COL27A1: variants seen among roughly 807,000 people sequenced by gnomAD.
The protein encoded by COL27A1 is collagen type XXVII alpha 1 chain.
Under a neutral mutation model 251.3 loss-of-function variants are expected in COL27A1, and 106 were observed. The observed-to-expected ratio is 0.42, with a 90% CI of 0.36 to 0.50. The LOEUF (loss-of-function observed/expected upper bound fraction) is 0.50, where lower values mean the gene tolerates loss of function less well. Among genes scored for constraint, COL27A1 ranks in the 20% least tolerant of loss-of-function variants. The probability of loss-of-function intolerance (pLI) is 0.00; values close to 1 mark genes in which losing one functional copy is unlikely to be tolerated. For synonymous variants in COL27A1, 1,000 were observed against 986.3 expected, an observed-to-expected ratio of 1.01 and a Z score of -0.26; for missense variants, 2,325 against 2,522.8, an observed-to-expected ratio of 0.92 and a Z score of 1.68.
At chr9:114,210,328 C>T (rs1830260829) in intron 11 of COL27A1, among the ~76,000 whole-genome samples, 1 of 152,212 alleles carries the variant, frequency 6.6e-6, no homozygotes, top group Non-Finnish European at 1.5e-5. Flanking sequence ...ACTATCTGCC[C>T]CTTTCCAGAA....
chr9:114,180,892 A>G (rs892158226), intron 4 of COL27A1, among the ~76,000 whole-genome samples: 4 of 152,176 alleles, frequency 2.6e-5, no homozygotes, highest in African/African-American at 7.2e-5. Context: ...GGGGGAGCTG[A>G]GTGCTCTGGC....
intron 37 of COL27A1, among the ~76,000 whole-genome samples, chr9:114,277,837 C>G (rs1835604546): frequency 1.3e-5 from 2 of 152,198 alleles, no homozygotes; most frequent in Non-Finnish European, 2.9e-5. Context: ...GCTAAGATTA[C>G]TTTGAGCTCC....
intron 37 of COL27A1, among the ~76,000 whole-genome samples, chr9:114,280,410 C>T (rs996402896): frequency 6.6e-6 from 1 of 152,162 alleles, no homozygotes; most frequent in African/African-American, 2.4e-5. Flanking sequence ...GCCATGTTGG[C>T]CAGGCTGGTC....
chr9:114,205,952 G>T (rs1829922968), intron 9 of COL27A1, 140 bp downstream of exon 9: 1 of 758,744 alleles, frequency 1.3e-6, no homozygotes, highest in Admixed American at 2.8e-5. Context: ...GGGCTTTCCA[G>T]GGGACTGGAC....
At chr9:114,173,416 C>A (rs7023177) in intron 3 of COL27A1, among the ~76,000 whole-genome samples, 10 of 152,072 alleles carry the variant, frequency 6.6e-5, no homozygotes, top group Admixed American at 5.9e-4. Context: ...GGCGGGGTTC[C>A]TTGAGGTTAC....
chr9:114,292,009 A>C, intron 48 of COL27A1, 94 bp from the exon 49 acceptor site: 1 of 1,086,652 alleles, frequency 9.2e-7, no homozygotes, highest in African/African-American at 1.6e-5. Context: ...ACCCTGTGGA[A>C]TCACTGTTCT....
intron 3 of COL27A1, among the ~76,000 whole-genome samples, chr9:114,175,487 G>A (rs747399810): frequency 2.6e-5 from 4 of 152,234 alleles, no homozygotes; most frequent in African/African-American, 7.2e-5. Flanking sequence ...GGTCCAGCCC[G>A]TGGCTAGCAC....
intron 49 of COL27A1, among the ~76,000 whole-genome samples, chr9:114,295,638 C>T (rs987865360): frequency 3.3e-5 from 5 of 151,992 alleles, no homozygotes; most frequent in South Asian, 2.1e-4. Context: ...CATACATATA[C>T]GGACAACTGG....
chr9:114,164,194 C>A (rs764750825), intron 2 of COL27A1, among the ~76,000 whole-genome samples: 1 of 152,160 alleles, frequency 6.6e-6, no homozygotes, highest in South Asian at 2.1e-4. Context: ...ATAAAGAGTA[C>A]CTGCTCCATA....
intron 14 of COL27A1, among the ~76,000 whole-genome samples, chr9:114,222,477 G>T (rs1157984992): frequency 6.6e-6 from 1 of 152,126 alleles, no homozygotes; most frequent in Admixed American, 6.5e-5. Flanking sequence ...GGGCGGCTGA[G>T]GGAGGAGAGC....
At chr9:114,158,116 A>C (rs879749926) in intron 1 of COL27A1, among the ~76,000 whole-genome samples, 1 of 152,158 alleles carries the variant, frequency 6.6e-6, no homozygotes, top group Non-Finnish European at 1.5e-5. Flanking sequence ...TGGCCAGTCC[A>C]TGGAGGCAGG....
chr9:114,288,098 C>T (rs746808573), intron 41 of COL27A1, among the ~76,000 whole-genome samples: 12 of 152,184 alleles, frequency 7.9e-5, no homozygotes, highest in Non-Finnish European at 1.6e-4. Context: ...CTCTGTTCTC[C>T]TATTCCCCAG....
intron 4 of COL27A1, among the ~76,000 whole-genome samples, chr9:114,181,298 G>A (rs951385992): frequency 6.6e-6 from 1 of 152,034 alleles, no homozygotes; most frequent in Non-Finnish European, 1.5e-5. Flanking sequence ...TTGGAAGGAG[G>A]GTCACAAGAG....
intron 26 of COL27A1, 80 bp downstream of exon 26, chr9:114,252,726 T>C: frequency 6.9e-7 from 1 of 1,445,590 alleles, no homozygotes. Flanking sequence ...ATGAACCGCT[T>C]ACCCCAGACG....
At chr9:114,234,272 A>G (rs947844302) in intron 16 of COL27A1, among the ~76,000 whole-genome samples, 10 of 146,352 alleles carry the variant, frequency 6.8e-5, no homozygotes, top group African/African-American at 2.5e-4. Context: ...GTTGTACAGG[A>G]TTTTCCAAAT....
In COL27A1 at chr9:114,169,208, C is replaced by T. The variant is rs200891723; in HGVS notation, c.1653C>T (p.Pro551=). ...ASKKAGPKSS[P]RKPVPLRPGK... is the part of the protein sequence containing the mutation. ...AGAAAGCCGGACCCAAGAGCAGCCCCCGGAAGCCTGTCCCCCTCAGACCTG... is the reference window on the plus strand; with the variant it reads ...AGAAAGCCGGACCCAAGAGCAGCCCTCGGAAGCCTGTCCCCCTCAGACCTG... The change falls in exon 3 of 61, where the codon CCC becomes CCT. Residue 551 remains proline (P), a synonymous_variant. Coordinates refer to ENST00000356083, the MANE Select transcript of COL27A1 (RefSeq NM_032888.4). 47 of 1,614,118 alleles carry T rather than the reference C, an allele frequency of 2.9e-5. No individual in the cohort carries two copies. The African/African-American group carries it at 4.3e-4, about 15-fold the overall frequency.
At chr9:114,171,657 G>T (rs768116662) in intron 3 of COL27A1, among the ~76,000 whole-genome samples, 8 of 151,812 alleles carry the variant, frequency 5.3e-5, no homozygotes, top group Non-Finnish European at 1.2e-4. Context: ...GTAGAGTCTG[G>T]GTCTCACTAT....
chr9:114,212,839 AC>A (rs1357757036), intron 12 of COL27A1, among the ~76,000 whole-genome samples: 2 of 152,218 alleles, frequency 1.3e-5, no homozygotes, highest in Non-Finnish European at 2.9e-5. Flanking sequence ...GTATTGTGTG[AC>A]ACTAAGCCAA....
intron 27 of COL27A1, among the ~76,000 whole-genome samples, chr9:114,253,507 G>GGAAGAACA (rs374794878): frequency 2.0e-5 from 3 of 149,524 alleles, no homozygotes; most frequent in Non-Finnish European, 4.5e-5. Context: ...AAGGAAGGAA[G>GGAAGAACA]GAAGAACAGA....
Sources: gnomAD v4.1 joint callset for allele counts (sites outside exome capture counted in the v4.1 genomes callset) on GRCh38, gnomAD v4.1.1 for gene constraint, MANE v1.5 for transcripts, NCBI Gene and HGNC (gene_info 2026-07-23, HGNC 2026-07-21) for gene names.